C8A: variants seen among roughly 807,000 people sequenced by gnomAD.
C8A encodes the protein complement C8 alpha chain.
In C8A, 67 loss-of-function variants were observed where a neutral mutation model predicts 65.3. The ratio of observed to expected loss-of-function variants is 1.03; its 90% CI spans 0.84 to 1.26. The LOEUF (loss-of-function observed/expected upper bound fraction) is 1.26, where lower values mean the gene tolerates loss of function less well. Ranked by LOEUF, C8A falls within the 50% of genes most tolerant of loss-of-function variation. The pLI, the probability that C8A is intolerant of heterozygous loss-of-function variation, is 0.00. For missense variants in C8A, 781 were observed against 723.9 expected (o/e 1.08, Z -0.90); for synonymous variants, 290 against 259.4 (o/e 1.12, Z -1.13).
At chr1:56,914,528 G>A (rs1362760880) in intron 10 of C8A, among the ~76,000 whole-genome samples, 1 of 152,062 alleles carries the variant, frequency 6.6e-6, no homozygotes, top group Non-Finnish European at 1.5e-5. Context: ...ATTTCTTTAG[G>A]ATTCAAGGGG....
In C8A at chr1:56,875,009, A is replaced by C; in HGVS notation, c.232A>C (p.Ile78Leu). The change falls in exon 3 of 11, where the codon ATC becomes CTC. Residue 78 changes from isoleucine to leucine, a missense_variant. Ile to Leu is a conservative substitution (Grantham distance 5). Transcript: ENST00000361249. ...KFGGTICSGD[I>L]WDQASCSSST... ...TGGGGGAACCATCTGCAGTGGTGACATCTGGGATCAAGCCAGCTGCTCCAG... is the reference window on the plus strand; with the variant it reads ...TGGGGGAACCATCTGCAGTGGTGACCTCTGGGATCAAGCCAGCTGCTCCAG... 1 of 1,613,828 alleles carries C rather than the reference A, an allele frequency of 6.2e-7. No homozygotes were observed. The highest frequency in any genetic ancestry group is 8.5e-7 in the Non-Finnish European group (1 of 1,179,844).
intron 7 of C8A, 55 bp from the exon 8 acceptor site, chr1:56,906,612 G>T: frequency 1.9e-6 from 3 of 1,608,328 alleles, no homozygotes; most frequent in Non-Finnish European, 2.6e-6. Flanking sequence ...GTTGTACCAT[G>T]TCAAGTGTCT....
intron 7 of C8A, among the ~76,000 whole-genome samples, chr1:56,903,608 C>T (rs557553088): frequency 6.6e-6 from 1 of 152,216 alleles, no homozygotes; most frequent in African/African-American, 2.4e-5. Context: ...AGTTCTTATT[C>T]TGAGTAGATA....
chr1:56,895,621 T>C (rs1644382160), intron 7 of C8A, among the ~76,000 whole-genome samples: 1 of 152,178 alleles, frequency 6.6e-6, no homozygotes, highest in African/African-American at 2.4e-5. Flanking sequence ...TATCAAAGTA[T>C]GTCACACAAA....
chr1:56,860,185 G>A (rs1644019098), intron 1 of C8A, among the ~76,000 whole-genome samples: 1 of 152,152 alleles, frequency 6.6e-6, no homozygotes. Context: ...TGTAAAGATG[G>A]CATTTAAACT....
intron 2 of C8A, among the ~76,000 whole-genome samples, chr1:56,872,158 T>C (rs1187860589): frequency 1.3e-5 from 2 of 152,230 alleles, no homozygotes; most frequent in East Asian, 3.8e-4. Flanking sequence ...TTTCTTTCTT[T>C]GGACCTTGGA....
intron 1 of C8A, among the ~76,000 whole-genome samples, 161 bp downstream of exon 1, chr1:56,855,139 C>T (rs750082760): frequency 5.3e-5 from 8 of 152,098 alleles, no homozygotes; most frequent in Non-Finnish European, 1.0e-4. Flanking sequence ...GTGAAAAGAC[C>T]GTGCACTTGG....
At chr1:56,895,717 T>A (rs531447853) in intron 7 of C8A, among the ~76,000 whole-genome samples, 1 of 152,260 alleles carries the variant, frequency 6.6e-6, no homozygotes, top group African/African-American at 2.4e-5. Context: ...GTCTGGAGGA[T>A]CATTTGAGCC....
chr1:56,872,438 G>T (rs920976697), intron 2 of C8A, among the ~76,000 whole-genome samples: 1 of 151,708 alleles, frequency 6.6e-6, no homozygotes, highest in Non-Finnish European at 1.5e-5. Context: ...TGATGATAAA[G>T]GAAAAATACA....
rs543677353 is a variant in C8A, at chr1:56,914,159, G to A, written c.1603+1534G>A. Reference sequence around the variant, plus strand: ...AGAAAGGACAAGTCCCACATAAACTGCCATGTGGGAGGACATGGAACTTGT... The same window carrying A: ...AGAAAGGACAAGTCCCACATAAACTACCATGTGGGAGGACATGGAACTTGT... On this transcript the variant is annotated intron_variant, in intron 10 of 10. Coordinates refer to ENST00000361249, the MANE Select transcript of C8A (RefSeq NM_000562.3). Among the ~76,000 whole-genome samples, 6 of 152,322 alleles carry A rather than the reference G, an allele frequency of 3.9e-5. No homozygotes were observed. In the East Asian group the frequency reaches 9.6e-4, roughly 24 times the overall value.
Position 56,875,079 on chromosome 1 carries a change from A to G in C8A, c.302A>G (p.Gln101Arg). 6.2e-7 allele frequency: 1 copy of G among 1,613,596 alleles called. No individual in the cohort carries two copies. The highest frequency in any genetic ancestry group is 8.5e-7 in the Non-Finnish European group (1 of 1,179,700). The change falls in exon 3 of 11, where the codon CAG (glutamine) becomes CGG (arginine). Residue 101 changes from glutamine to arginine, a missense_variant. Transcript: ENST00000361249. Reference sequence around the variant, plus strand: ...CAAGCACAGTGTGGACAGGATTTCCAGTGTAAGGAGACAGGTGAGTAGCAT... The same window carrying G: ...CAAGCACAGTGTGGACAGGATTTCCGGTGTAAGGAGACAGGTGAGTAGCAT... ...VRQAQCGQDF[Q>R]CKETGRCLKR...
At chr1:56,896,114 T>C (rs1315961138) in intron 7 of C8A, among the ~76,000 whole-genome samples, 1 of 152,038 alleles carries the variant, frequency 6.6e-6, no homozygotes, top group Non-Finnish European at 1.5e-5. Context: ...AAAGGAAAAA[T>C]CATCAATAGC....
chr1:56,859,748 A>G (rs1309995231), intron 1 of C8A, among the ~76,000 whole-genome samples: 1 of 117,012 alleles, frequency 8.5e-6, no homozygotes, highest in East Asian at 3.1e-4. Context: ...GGAGTTAGTC[A>G]ATAAATATAT....
chr1:56,907,674 A>G (rs540237740), intron 8 of C8A, among the ~76,000 whole-genome samples: 3 of 150,656 alleles, frequency 2.0e-5, no homozygotes, highest in East Asian at 2.0e-4. Flanking sequence ...GAATGAGTGA[A>G]TGAATGAATA....
At chr1:56,882,754 C>T (rs61766986) in intron 5 of C8A, among the ~76,000 whole-genome samples, 1 of 152,100 alleles carries the variant, frequency 6.6e-6, no homozygotes. Context: ...GGCTCTGTAT[C>T]AGGCAAGACG....
chr1:56,894,070 C>T (rs1177514582), intron 7 of C8A, among the ~76,000 whole-genome samples: 1 of 152,078 alleles, frequency 6.6e-6, no homozygotes, highest in Non-Finnish European at 1.5e-5. Flanking sequence ...GTTATTATTA[C>T]CACATTTTTA....
At chr1:56,916,006 C>A (rs535945478) in intron 10 of C8A, among the ~76,000 whole-genome samples, 1 of 152,254 alleles carries the variant, frequency 6.6e-6, no homozygotes, top group South Asian at 2.1e-4. Flanking sequence ...CCCTCAGAAC[C>A]AGTGACTTGC....
chr1:56,892,200 A>T (rs993797856), intron 7 of C8A, among the ~76,000 whole-genome samples: 1 of 151,854 alleles, frequency 6.6e-6, no homozygotes, highest in Non-Finnish European at 1.5e-5. Flanking sequence ...TGTCCTTCTC[A>T]CCCTAAACCC....
intron 10 of C8A, 36 bp downstream of exon 10, chr1:56,912,661 T>G (rs1754534): frequency 0.062 from 98,849 of 1,598,688 alleles, 4,699 homozygotes; most frequent in African/African-American, 0.22. Context: ...TTCCAGCCTG[T>G]CCCAGCTCAA....
Sources: gnomAD v4.1 joint callset for allele counts (sites outside exome capture counted in the v4.1 genomes callset) on GRCh38, gnomAD v4.1.1 for gene constraint, MANE v1.5 for transcripts, NCBI Gene and HGNC (gene_info 2026-07-23, HGNC 2026-07-21) for gene names.